The following NOL4 variants were observed in gnomAD, a reference collection of about 807,000 sequenced individuals.
The protein encoded by NOL4 is cancer/testis antigen 125.
A neutral mutation model predicts 75.9 loss-of-function variants in NOL4; 17 were observed. The ratio of observed to expected loss-of-function variants is 0.22; its 90% CI spans 0.15 to 0.34. NOL4 has a LOEUF of 0.34. NOL4 is among the 10% of genes least tolerant of loss of function. The pLI is 1.00. For missense variants in NOL4, 614 were observed against 793.5 expected (o/e 0.77, Z 2.72); for synonymous variants, 292 against 289.9 (o/e 1.01, Z -0.07).
At chr18:34,140,927 G>C (rs1363158829) in intron 1 of NOL4, among the ~76,000 whole-genome samples, 1 of 151,950 alleles carries the variant, frequency 6.6e-6, no homozygotes, top group Admixed American at 6.6e-5. Context: ...TGTATATCTA[G>C]AAAACCCCAT....
intron 9 of NOL4, among the ~76,000 whole-genome samples, chr18:33,931,556 T>C (rs527359384): frequency 1.1e-3 from 165 of 152,032 alleles, no homozygotes; most frequent in African/African-American, 3.6e-3. Context: ...CACAGCAAGA[T>C]CCTGTCTCTA....
intron 5 of NOL4, among the ~76,000 whole-genome samples, chr18:34,059,116 G>C (rs796778163): frequency 2.5e-5 from 2 of 80,948 alleles, no homozygotes; most frequent in South Asian, 5.2e-4. Context: ...GAGATAGATA[G>C]ATATACATAT....
At position 33,957,495 on chromosome 18, in the gene NOL4, T is replaced by A; in HGVS notation, c.1259A>T (p.Asp420Val). 1 of 1,613,248 alleles carries A rather than the reference T, an allele frequency of 6.2e-7. No individual in the cohort carries two copies. The highest frequency in any genetic ancestry group is 8.5e-7 in the Non-Finnish European group (1 of 1,179,576). Residue 420 changes from aspartate to valine, a missense_variant, in exon 8 of 11, where the codon GAT (aspartate) becomes GTT (valine). Transcript: ENST00000261592. The stretch of plus-strand genomic sequence containing the variant: ...TGGGACCATTCGGTCCAAGTTTTCA[T>A]CTACAAACAGCCTGACAAACATCTG... ...AFNMFVRLFVDENLDRMVPIS... is the reference protein window; with the variant it reads ...AFNMFVRLFVVENLDRMVPIS...
chr18:34,187,634 G>A (rs1329320076), intron 1 of NOL4, among the ~76,000 whole-genome samples: 1 of 152,090 alleles, frequency 6.6e-6, no homozygotes, highest in Non-Finnish European at 1.5e-5. Context: ...TGATACGCCC[G>A]CCTCGGACTC....
At chr18:34,149,430 C>T (rs540066798) in intron 1 of NOL4, among the ~76,000 whole-genome samples, 8 of 151,300 alleles carry the variant, frequency 5.3e-5, no homozygotes, top group African/African-American at 7.3e-5. Flanking sequence ...TTAGGGTGCA[C>T]GTGGCCACAA....
intron 4 of NOL4, among the ~76,000 whole-genome samples, chr18:34,101,179 A>G (rs2079026894): frequency 1.3e-5 from 2 of 152,242 alleles, no homozygotes; most frequent in African/African-American, 4.8e-5. Flanking sequence ...ACTAAAATGT[A>G]TACTCATAAG....
intron 5 of NOL4, among the ~76,000 whole-genome samples, chr18:34,087,354 A>C (rs777992258): frequency 4.6e-5 from 7 of 152,072 alleles, no homozygotes; most frequent in Non-Finnish European, 8.8e-5. Flanking sequence ...ACTCCCCTCT[A>C]TGTTTCCACT....
rs1246819105 is a variant in NOL4 at position 34,049,081 on chromosome 18, C to CAT, written c.773-29481_773-29480insAT. Among the ~76,000 whole-genome samples, 35 of 114,920 alleles carry CAT rather than the reference C, an allele frequency of 3.0e-4. 1 individual carries two copies. The highest frequency in any genetic ancestry group is 1.1e-3 in the African/African-American group (33 of 29,272). The allele number at this position is 114,920 out of a possible 152,430, so 75.4% of individuals were successfully genotyped here. A position where few individuals can be genotyped will look rare whatever the true frequency, so the allele number is the denominator to read the frequency against. On this transcript the variant is annotated intron_variant, in intron 5 of 10. Coordinates refer to ENST00000261592, the MANE Select transcript of NOL4 (RefSeq NM_003787.5). ...GGTTAGATACAGGCGCGCGCACACA[C>CAT]ACACACACACACACACACACACACA...
chr18:34,218,296 C>A (rs569845381), intron 1 of NOL4, among the ~76,000 whole-genome samples: 1 of 152,226 alleles, frequency 6.6e-6, no homozygotes, highest in East Asian at 1.9e-4. Context: ...AGGATCCCAG[C>A]AAACTAAGGA....
Position 34,023,561 on chromosome 18 carries a change from G to T in NOL4, c.773-3960C>A, listed in dbSNP as rs1320225315. 8.9e-6 allele frequency: 4 copies of T among 449,034 alleles called. No homozygotes were observed. In the East Asian group the frequency reaches 2.8e-4, roughly 31 times the overall value. 27.8% of individuals were successfully genotyped at this position (449,034 alleles called of 1,614,324 possible). Reference sequence around the variant, plus strand: ...GGTTCTTCTCTCAAGGTTTCAGCCTGGGTACCATAGCATTTGAACCAAAGA... The same window carrying T: ...GGTTCTTCTCTCAAGGTTTCAGCCTTGGTACCATAGCATTTGAACCAAAGA... On this transcript the variant is annotated intron_variant, in intron 5 of 10. Transcript: ENST00000261592.
intron 1 of NOL4, among the ~76,000 whole-genome samples, chr18:34,168,717 G>T: frequency 6.6e-6 from 1 of 151,692 alleles, no homozygotes; most frequent in East Asian, 1.9e-4. Context: ...GGAGTCAAAG[G>T]ATTAGCAGAA....
At chr18:34,132,694 T>A (rs1332163476) in intron 1 of NOL4, among the ~76,000 whole-genome samples, 1 of 151,114 alleles carries the variant, frequency 6.6e-6, no homozygotes, top group African/African-American at 2.4e-5. Flanking sequence ...AGAAATATAT[T>A]TAATGAGCTT....
At chr18:34,032,015 G>C (rs147929529) in intron 5 of NOL4, among the ~76,000 whole-genome samples, 1 of 152,190 alleles carries the variant, frequency 6.6e-6, no homozygotes, top group Non-Finnish European at 1.5e-5. Context: ...GCACTCTTCC[G>C]GGGACTAGTG....
At position 34,080,205 on chromosome 18, in the gene NOL4, T is replaced by C. The variant is rs1600511956; in HGVS notation, c.772+13260A>G. On this transcript the variant is annotated intron_variant, in intron 5 of 10. Transcript: ENST00000261592. ...TACATTGAGAAGCATTTGCAGCTCCTCCATCCTCAGGTCAAACTGTAGCCA... is the reference window on the plus strand; with the variant it reads ...TACATTGAGAAGCATTTGCAGCTCCCCCATCCTCAGGTCAAACTGTAGCCA... Among the ~76,000 whole-genome samples, 3 of 152,168 alleles carry C rather than the reference T, an allele frequency of 2.0e-5. No individual in the cohort carries two copies. In the South Asian group the frequency reaches 6.2e-4, roughly 31 times the overall value.
intron 6 of NOL4, among the ~76,000 whole-genome samples, chr18:34,017,287 GT>G (rs2074751941): frequency 6.6e-6 from 1 of 152,046 alleles, no homozygotes; most frequent in African/African-American, 2.4e-5. Context: ...CAAGAGCCTT[GT>G]GAATAAAGAC....
At chr18:34,019,022 A>G (rs920512911) in intron 6 of NOL4, among the ~76,000 whole-genome samples, 4 of 152,166 alleles carry the variant, frequency 2.6e-5, no homozygotes, top group African/African-American at 9.7e-5. Flanking sequence ...TCTGAGCTCA[A>G]CAAATTCCCA....
intron 10 of NOL4, among the ~76,000 whole-genome samples, chr18:33,881,364 T>G (rs1210084303): frequency 2.0e-5 from 3 of 148,922 alleles, no homozygotes; most frequent in African/African-American, 5.0e-5. Flanking sequence ...TATTTCCTTC[T>G]CCTGCCTAAT....
rs1693922579 is a variant in NOL4 at position 33,962,329 on chromosome 18, T to TATAG, written c.1057-3915_1057-3912dup. 2.0e-5 allele frequency among the ~76,000 whole-genome samples: 3 copies of TATAG among 152,330 alleles called. No homozygotes were observed. The South Asian group carries it at 6.2e-4, about 32-fold the overall frequency. On this transcript the variant is annotated intron_variant, in intron 6 of 10. Coordinates refer to ENST00000261592, the MANE Select transcript of NOL4 (RefSeq NM_003787.5). ...CAATCATTAGAAGCCAGATTAACAA[T>TATAG]ATAGATTTCACACATGATCATTCAA...
At chr18:34,146,706 T>C (rs1190926164) in intron 1 of NOL4, among the ~76,000 whole-genome samples, 7 of 151,076 alleles carry the variant, frequency 4.6e-5, no homozygotes, top group African/African-American at 1.2e-4. Context: ...CTTGGCTATA[T>C]TGTTCCTTAT....
Sources: allele counts gnomAD v4.1 joint callset (sites outside exome capture counted in the v4.1 genomes callset), GRCh38; gene constraint gnomAD v4.1.1; transcripts MANE v1.5; gene names NCBI Gene and HGNC (gene_info 2026-07-23, HGNC 2026-07-21).